RBFOX1: variants seen among roughly 807,000 people sequenced by gnomAD.
RBFOX1 encodes the protein RNA binding fox-1 homolog 1, also known as RNA binding protein fox-1 homolog 1.
In RBFOX1, 8 loss-of-function variants were observed where a neutral mutation model predicts 57.7. That is an observed-to-expected ratio of 0.14 (90% confidence interval 0.08 to 0.25). RBFOX1 has a LOEUF of 0.25. Ranked by LOEUF, RBFOX1 falls within the 10% of genes least tolerant of loss-of-function variation. The pLI is 1.00. For synonymous variants in RBFOX1, 326 were observed against 222.4 expected, an observed-to-expected ratio of 1.47 and a Z score of -4.15; for missense variants, 611 against 548.5, an observed-to-expected ratio of 1.11 and a Z score of -1.14.
chr16:6,888,581 C>A (rs555918282), intron 3 of RBFOX1, among the ~76,000 whole-genome samples: 1 of 151,772 alleles, frequency 6.6e-6, no homozygotes, highest in African/African-American at 2.4e-5. Context: ...AATATTGTGT[C>A]CGTAGGGTTA....
At chr16:6,208,741 G>C (rs962955486) in intron 1 of RBFOX1, among the ~76,000 whole-genome samples, 1 of 152,152 alleles carries the variant, frequency 6.6e-6, no homozygotes, top group Non-Finnish European at 1.5e-5. Context: ...TGCATTTCTG[G>C]TTCTTCTTGG....
intron 2 of RBFOX1, among the ~76,000 whole-genome samples, chr16:6,605,634 A>C (rs536085282): frequency 5.3e-5 from 8 of 152,288 alleles, no homozygotes; most frequent in Non-Finnish European, 8.8e-5. Context: ...GTGAAAACTT[A>C]ATACTCGTTC....
chr16:7,439,207 CAG>C (rs2098746672), intron 4 of RBFOX1, among the ~76,000 whole-genome samples: 1 of 152,142 alleles, frequency 6.6e-6, no homozygotes, highest in African/African-American at 2.4e-5. Context: ...GCCTTGAACT[CAG>C]AAAATCCAGT....
intron 2 of RBFOX1, among the ~76,000 whole-genome samples, chr16:6,422,291 T>A (rs957235152): frequency 2.6e-5 from 4 of 151,672 alleles, no homozygotes; most frequent in African/African-American, 9.7e-5. Context: ...GCAGGTTTGT[T>A]ACATGGGTGT....
intron 2 of RBFOX1, among the ~76,000 whole-genome samples, chr16:6,390,083 G>T (rs1279095832): frequency 1.3e-5 from 2 of 152,182 alleles, no homozygotes; most frequent in East Asian, 3.9e-4. Context: ...AGAAGTCCCA[G>T]CTGAAAGCCG....
intron 2 of RBFOX1, among the ~76,000 whole-genome samples, chr16:6,468,530 T>C (rs1401345472): frequency 6.6e-6 from 1 of 152,174 alleles, no homozygotes; most frequent in Non-Finnish European, 1.5e-5. Flanking sequence ...CTGAAATTGG[T>C]ATAGCACCTT....
At chr16:7,067,932 C>G (rs972241440) in intron 4 of RBFOX1, among the ~76,000 whole-genome samples, 1 of 149,392 alleles carries the variant, frequency 6.7e-6, no homozygotes, top group Admixed American at 6.7e-5. Flanking sequence ...AGGGTCATTC[C>G]TAGTGTCTAG....
chr16:7,040,166 G>C lies in RBFOX1; in HGVS notation c.-15-11891G>C, dbSNP rs557079508. Reference sequence around the variant, plus strand: ...CTCCCGAGTAGCTGGGACTACAGGTGCCCGCCACCATGCTAGCTAGTTTTC... The same window carrying C: ...CTCCCGAGTAGCTGGGACTACAGGTCCCCGCCACCATGCTAGCTAGTTTTC... On this transcript the variant is annotated intron_variant, in intron 3 of 15. Transcript: ENST00000550418. 2.1e-3 allele frequency among the ~76,000 whole-genome samples: 313 copies of C among 151,994 alleles called. 4 individuals are homozygous for C. Among genetic ancestry groups the C allele is most frequent in the Non-Finnish European group, 3.5e-3 (238 of 67,964 alleles).
chr16:6,106,162 A>G (rs1369169764), intron 1 of RBFOX1, among the ~76,000 whole-genome samples: 1 of 152,166 alleles, frequency 6.6e-6, no homozygotes, highest in East Asian at 1.9e-4. Context: ...TTTATCAAGA[A>G]TCAGGTAGTT....
chr16:6,807,836 A>G (rs1210690697), intron 3 of RBFOX1, among the ~76,000 whole-genome samples: 1 of 151,812 alleles, frequency 6.6e-6, no homozygotes, highest in Non-Finnish European at 1.5e-5. Flanking sequence ...CTTATTATAT[A>G]TATAGTTCTA....
At chr16:5,941,464 T>G (rs1359863068) in intron 4 of RBFOX1, among the ~76,000 whole-genome samples, 4 of 150,458 alleles carry the variant, frequency 2.7e-5, no homozygotes, top group Non-Finnish European at 4.4e-5. Flanking sequence ...CGCTCCAGCC[T>G]GGGTGACAAA....
At chr16:6,407,256 T>C (rs972121920) in intron 2 of RBFOX1, among the ~76,000 whole-genome samples, 2 of 152,166 alleles carry the variant, frequency 1.3e-5, no homozygotes, top group African/African-American at 4.8e-5. Flanking sequence ...TCTATATATA[T>C]GCTATGGATT....
chr16:7,589,079 C>A (rs1381521041), intron 7 of RBFOX1, among the ~76,000 whole-genome samples: 1 of 152,154 alleles, frequency 6.6e-6, no homozygotes, highest in East Asian at 1.9e-4. Flanking sequence ...TATTGCTATA[C>A]CTGCAAAGCA....
In RBFOX1 at chr16:7,529,541, A is replaced by G. The variant is rs556159338; in HGVS notation, c.270+11152A>G. Among the ~76,000 whole-genome samples the G allele has an allele frequency of 2.6e-5, 4 of 152,126 alleles. No homozygotes were observed. The South Asian group carries it at 8.3e-4, about 32-fold the overall frequency. On this transcript the variant is annotated intron_variant, in intron 5 of 15. Transcript: ENST00000550418. ...TTTTGGATTGTTAAACCACTATTATAATTTCATTGACATATTTCCACTGCA... is the reference window on the plus strand; with the variant it reads ...TTTTGGATTGTTAAACCACTATTATGATTTCATTGACATATTTCCACTGCA...
intron 1 of RBFOX1, among the ~76,000 whole-genome samples, chr16:5,379,090 C>G (rs1469654019): frequency 2.0e-5 from 3 of 151,532 alleles, no homozygotes; most frequent in Non-Finnish European, 2.9e-5. Context: ...ACTGCAATAA[C>G]TTTTGCATCA....
intron 1 of RBFOX1, among the ~76,000 whole-genome samples, chr16:6,031,074 A>G (rs1042867773): frequency 2.6e-5 from 4 of 152,230 alleles, no homozygotes; most frequent in Non-Finnish European, 4.4e-5. Flanking sequence ...AGAATGGAGC[A>G]TTCATGTAAT....
intron 3 of RBFOX1, among the ~76,000 whole-genome samples, chr16:6,968,689 C>G (rs1054753260): frequency 4.6e-5 from 7 of 152,156 alleles, no homozygotes; most frequent in Non-Finnish European, 1.0e-4. Context: ...GGCCTCCCAT[C>G]GAGTACACAT....
intron 2 of RBFOX1, among the ~76,000 whole-genome samples, chr16:6,446,200 T>G (rs1283361523): frequency 6.6e-6 from 1 of 152,166 alleles, no homozygotes; most frequent in Non-Finnish European, 1.5e-5. Context: ...GCCAGGGTCT[T>G]GTCATGTTGC....
rs187091759 is a variant in RBFOX1 at position 5,999,495 on chromosome 16, C to G, written c.351+132160C>G. ...CTTAAAAACAGATAATGAAACAAAACTTACATGCTAAGGCTTTATAAAGAG... is the reference window on the plus strand; with the variant it reads ...CTTAAAAACAGATAATGAAACAAAAGTTACATGCTAAGGCTTTATAAAGAG... On this transcript the variant is annotated intron_variant, in intron 4 of 19. Coordinates refer to the RBFOX1 transcript ENST00000641259. Among the ~76,000 whole-genome samples the G allele has an allele frequency of 3.2e-4, 49 of 152,232 alleles. No homozygotes were observed. In the East Asian group the frequency reaches 9.3e-3, roughly 29 times the overall value.
Sources: gnomAD v4.1 joint callset for allele counts (sites outside exome capture counted in the v4.1 genomes callset) on GRCh38, gnomAD v4.1.1 for gene constraint, MANE v1.5 for transcripts, NCBI Gene and HGNC (gene_info 2026-07-23, HGNC 2026-07-21) for gene names.